ANKIB1: variants seen among roughly 807,000 people sequenced by gnomAD.
ANKIB1 encodes the protein ankyrin repeat and IBR domain containing 1, also known as ankyrin repeat and IBR domain-containing protein 1.
Under a neutral mutation model 122.1 loss-of-function variants are expected in ANKIB1, and 43 were observed. That is an observed-to-expected ratio of 0.35 (90% confidence interval 0.28 to 0.45). The LOEUF is 0.45. ANKIB1 is among the 20% of genes least tolerant of loss of function. The pLI, the probability that ANKIB1 is intolerant of heterozygous loss-of-function variation, is 1.00. For synonymous variants in ANKIB1, 390 were observed against 442.0 expected (o/e 0.88, Z 1.48); for missense variants, 992 against 1,329.5 (o/e 0.75, Z 3.95).
At chr7:92,391,384 G>C in intron 16 of ANKIB1, 40 bp downstream of exon 16, 1 of 1,440,294 alleles carries the variant, frequency 6.9e-7, no homozygotes, top group Non-Finnish European at 9.2e-7. Flanking sequence ...CCTAGCTCCA[G>C]CCACAAATAC....
chr7:92,359,293 C>A (rs1011982007), intron 9 of ANKIB1, among the ~76,000 whole-genome samples: 1 of 152,160 alleles, frequency 6.6e-6, no homozygotes. Flanking sequence ...CCTTGTTCAA[C>A]TCCCATTTGT....
intron 5 of ANKIB1, among the ~76,000 whole-genome samples, chr7:92,328,533 C>A (rs1562783400): frequency 6.6e-6 from 1 of 152,066 alleles, no homozygotes; most frequent in South Asian, 2.1e-4. Context: ...TCTGGGAGCT[C>A]TCACATGCTG....
At chr7:92,395,060 A>T (rs114373901) in intron 17 of ANKIB1, among the ~76,000 whole-genome samples, 1 of 152,310 alleles carries the variant, frequency 6.6e-6, no homozygotes, top group African/African-American at 2.4e-5. Flanking sequence ...AAGACACCAT[A>T]ATGATTCTCT....
At chr7:92,322,936 A>G (rs538026135) in intron 4 of ANKIB1, among the ~76,000 whole-genome samples, 5 of 152,278 alleles carry the variant, frequency 3.3e-5, no homozygotes, top group Admixed American at 2.6e-4. Flanking sequence ...TCTCTGCCTC[A>G]GTCTCTTCTT....
intron 11 of ANKIB1, among the ~76,000 whole-genome samples, chr7:92,380,881 G>A (rs754398698): frequency 2.0e-5 from 3 of 152,160 alleles, no homozygotes; most frequent in Non-Finnish European, 2.9e-5. Context: ...CGCCAGCAAC[G>A]GAACAAAGCA....
intron 4 of ANKIB1, among the ~76,000 whole-genome samples, chr7:92,321,649 A>G (rs567136098): frequency 6.6e-6 from 1 of 152,304 alleles, no homozygotes; most frequent in Non-Finnish European, 1.5e-5. Flanking sequence ...ACTTGATTCT[A>G]AAAGGTATTA....
intron 15 of ANKIB1, 31 bp from the exon 16 acceptor site, chr7:92,391,134 TG>T: frequency 6.4e-7 from 1 of 1,557,634 alleles, no homozygotes; most frequent in African/African-American, 1.4e-5. Flanking sequence ...CTATGAAGCC[TG>T]TGATTTTTTT....
At chr7:92,321,473 C>T (rs1180820208) in intron 4 of ANKIB1, among the ~76,000 whole-genome samples, 2 of 152,142 alleles carry the variant, frequency 1.3e-5, no homozygotes, top group Admixed American at 1.3e-4. Context: ...ATTAGACTGT[C>T]AATTCCATGA....
At chr7:92,296,349 A>C (rs1802356008) in intron 2 of ANKIB1, among the ~76,000 whole-genome samples, 1 of 152,066 alleles carries the variant, frequency 6.6e-6, no homozygotes, top group Non-Finnish European at 1.5e-5. Context: ...CAGCTTCCCA[A>C]GTAGCTAGGA....
chr7:92,306,090 C>T (rs1802556678), intron 2 of ANKIB1, among the ~76,000 whole-genome samples: 1 of 122,060 alleles, frequency 8.2e-6, no homozygotes, highest in African/African-American at 3.1e-5. Context: ...TTAATACAAG[C>T]CTTCTTCTAT....
At chr7:92,367,946 C>T (rs1804131710) in intron 10 of ANKIB1, among the ~76,000 whole-genome samples, 1 of 152,070 alleles carries the variant, frequency 6.6e-6, no homozygotes, top group Admixed American at 6.6e-5. Context: ...ACTTGACGCT[C>T]AGAGTTCAAG....
intron 1 of ANKIB1, among the ~76,000 whole-genome samples, chr7:92,289,042 G>T (rs943804094): frequency 6.6e-6 from 1 of 152,118 alleles, no homozygotes; most frequent in Non-Finnish European, 1.5e-5. Flanking sequence ...TAAAACTTAA[G>T]TTCATTTAAA....
At chr7:92,323,503 CT>C (rs1327300607) in intron 4 of ANKIB1, among the ~76,000 whole-genome samples, 1 of 152,040 alleles carries the variant, frequency 6.6e-6, no homozygotes, top group Non-Finnish European at 1.5e-5. Flanking sequence ...GAATTTGTGA[CT>C]TGCTAATACT....
intron 10 of ANKIB1, among the ~76,000 whole-genome samples, chr7:92,363,515 G>A (rs1022915188): frequency 1.5e-4 from 23 of 152,168 alleles, no homozygotes; most frequent in African/African-American, 5.1e-4. Context: ...CGGACATTGC[G>A]GTATCATATG....
At chr7:92,375,656 A>G (rs1221722251) in intron 11 of ANKIB1, among the ~76,000 whole-genome samples, 3 of 152,208 alleles carry the variant, frequency 2.0e-5, no homozygotes, top group African/African-American at 4.8e-5. Flanking sequence ...AAAGTCATCC[A>G]TGAGGATAGG....
intron 1 of ANKIB1, chr7:92,294,614 G>A (rs2131919204): frequency 3.1e-6 from 1 of 324,108 alleles, no homozygotes; most frequent in Middle Eastern, 8.2e-4. Context: ...AAATTGAAAA[G>A]TTTTATATAT....
At chr7:92,336,796 A>G (rs1229836473) in intron 5 of ANKIB1, among the ~76,000 whole-genome samples, 1 of 151,822 alleles carries the variant, frequency 6.6e-6, no homozygotes, top group African/African-American at 2.4e-5. Flanking sequence ...GTGCTTTTTC[A>G]TTTTGTCAGA....
chr7:92,386,738 G>GTA, intron 12 of ANKIB1, 95 bp downstream of exon 12: 1 of 1,182,628 alleles, frequency 8.5e-7, no homozygotes, highest in Non-Finnish European at 1.1e-6. Context: ...TCTTAATAAA[G>GTA]TATTAAATTG....
At chr7:92,302,454 C>T (rs1802476948) in intron 2 of ANKIB1, among the ~76,000 whole-genome samples, 1 of 152,086 alleles carries the variant, frequency 6.6e-6, no homozygotes, top group African/African-American at 2.4e-5. Context: ...TCTCTCTGAA[C>T]CCACATGCTA....
Sources: allele counts gnomAD v4.1 joint callset (sites outside exome capture counted in the v4.1 genomes callset), GRCh38; gene constraint gnomAD v4.1.1; transcripts MANE v1.5; gene names NCBI Gene and HGNC (gene_info 2026-07-23, HGNC 2026-07-21).